SLF2: variants seen among roughly 807,000 people sequenced by gnomAD.
SLF2 encodes SMC5-SMC6 complex localization factor protein 2.
A neutral mutation model predicts 124.3 loss-of-function variants in SLF2; 68 were observed. The ratio of observed to expected loss-of-function variants is 0.55; its 90% CI spans 0.45 to 0.67. The LOEUF (loss-of-function observed/expected upper bound fraction) is 0.67, where lower values mean the gene tolerates loss of function less well. Among genes scored for constraint, SLF2 ranks in the 30% least tolerant of loss-of-function variants. The pLI, the probability that SLF2 is intolerant of heterozygous loss-of-function variation, is 0.00. For synonymous variants in SLF2, 480 were observed against 478.8 expected, an observed-to-expected ratio of 1.00 and a Z score of -0.03; for missense variants, 1,246 against 1,373.7, an observed-to-expected ratio of 0.91 and a Z score of 1.47.
chr10:100,958,388 T>C (rs1199860264), intron 18 of SLF2, among the ~76,000 whole-genome samples: 1 of 152,218 alleles, frequency 6.6e-6, no homozygotes, highest in Non-Finnish European at 1.5e-5. Context: ...TCCCCAAGAG[T>C]AGAACTCTAG....
chr10:100,925,885 T>G, intron 5 of SLF2, 64 bp from the exon 6 acceptor site: 1 of 1,466,350 alleles, frequency 6.8e-7, no homozygotes, highest in Non-Finnish European at 9.2e-7. Flanking sequence ...CCTTAATTAC[T>G]TAAAACATCC....
chr10:100,913,296 G>A lies in SLF2; in HGVS notation c.140+46G>A, dbSNP rs377040112. 4 of 1,482,812 alleles carry A rather than the reference G, an allele frequency of 2.7e-6. No individual in the cohort carries two copies. The African/African-American group carries it at 4.3e-5, about 16-fold the overall frequency. The allele number at this position is 1,482,812 out of a possible 1,614,324, so 91.9% of individuals were successfully genotyped here. A position where few individuals can be genotyped will look rare whatever the true frequency, so the allele number is the denominator to read the frequency against. ...GAAGGGGCCGGGTCGCGGGGGCAAG[G>A]GTATGAGGGGAGGGCTGCAGACCGC... On this transcript the variant is annotated intron_variant, in intron 1 of 19. Transcript: ENST00000238961.
chr10:100,957,330 A>ATTT lies in SLF2; in HGVS notation c.3417+828_3417+830dup, dbSNP rs71013477. Reference sequence around the variant, plus strand: ...AATATGTTAAAGGAAGGAGTCTTCAATTTTTTTTTTTTTTTTTTTTTTTTT... The same window carrying ATTT: ...AATATGTTAAAGGAAGGAGTCTTCAATTTTTTTTTTTTTTTTTTTTTTTTTTTT... On this transcript the variant is annotated intron_variant, in intron 18 of 19. Coordinates refer to ENST00000238961, the MANE Select transcript of SLF2 (RefSeq NM_018121.4). Among the ~76,000 whole-genome samples the ATTT allele has an allele frequency of 2.3e-3, 208 of 91,788 alleles. 12 individuals carry two copies. The highest frequency in any genetic ancestry group is 5.1e-3 in the South Asian group (16 of 3,156). The allele number at this position is 91,788 out of a possible 152,430, so 60.2% of individuals were successfully genotyped here. A position where few individuals can be genotyped will look rare whatever the true frequency, so the allele number is the denominator to read the frequency against.
chr10:100,932,698 T>A (rs1461393415), intron 9 of SLF2, among the ~76,000 whole-genome samples: 1 of 83,024 alleles, frequency 1.2e-5, no homozygotes, highest in East Asian at 3.2e-4. Flanking sequence ...AATAAGTGTG[T>A]GTGTGTGTGT....
rs1200285999 is a variant in SLF2 at position 100,924,489 on chromosome 10, T to C, written c.1488T>C (p.Leu496=). The C allele has an allele frequency of 1.2e-6, 2 of 1,614,138 alleles. No individual in the cohort carries two copies. The highest frequency in any genetic ancestry group is 1.7e-6 in the Non-Finnish European group (2 of 1,180,032). ...LVPLNAKNCA[L]PVSKKDKERS... is the part of the protein sequence containing the mutation. ...CATTAAATGCTAAAAATTGTGCTCTTCCAGTTTCTAAAAAAGATAAAGAGC... is the reference window on the plus strand; with the variant it reads ...CATTAAATGCTAAAAATTGTGCTCTCCCAGTTTCTAAAAAAGATAAAGAGC... The change falls in exon 5 of 20, where the codon CTT becomes CTC. Residue 496 remains leucine (L), a synonymous_variant. Transcript: ENST00000238961.
chr10:100,915,909 C>G, intron 1 of SLF2, 90 bp from the exon 2 acceptor site: 1 of 1,046,956 alleles, frequency 9.6e-7, no homozygotes. Context: ...GAAATCCAGC[C>G]TTTATTTTAT....
chr10:100,945,351 A>G lies in SLF2; in HGVS notation c.2779A>G (p.Ile927Val), dbSNP rs754664013. The G allele has an allele frequency of 2.7e-5, 43 of 1,594,364 alleles. No homozygotes were observed. Among genetic ancestry groups the G allele is most frequent in the Admixed American group, 7.4e-5 (4 of 53,868 alleles). Residue 927 changes from isoleucine (I) to valine (V), a missense_variant, in exon 13 of 20, where the codon ATA (isoleucine) becomes GTA (valine). By Grantham distance (29) the Ile-to-Val change is conservative. This residue lies in a region of SLF2 where 535 missense variants were observed against 632.8 expected (regional missense o/e 0.85). Transcript: ENST00000238961. Reference sequence around the variant, plus strand: ...ACAGTTTCTAGGCTTGTGTACATCTATACATCCAGAAGGTTACCAGGATCG... The same window carrying G: ...ACAGTTTCTAGGCTTGTGTACATCTGTACATCCAGAAGGTTACCAGGATCG... ...VVKFLGLCTS[I>V]HPEGYQDREI...
At chr10:100,925,890 A>G in intron 5 of SLF2, 59 bp from the exon 6 acceptor site, 1 of 1,478,786 alleles carries the variant, frequency 6.8e-7, no homozygotes, top group South Asian at 1.4e-5. Flanking sequence ...ATTACTTAAA[A>G]CATCCCAGTT....
At chr10:100,957,741 T>C (rs1850360336) in intron 18 of SLF2, among the ~76,000 whole-genome samples, 2 of 152,048 alleles carry the variant, frequency 1.3e-5, no homozygotes, top group African/African-American at 2.4e-5. Context: ...CTTGCTAAGC[T>C]TTTTTTCTTA....
chr10:100,962,841 A>ATGTGTGTGTGTGTGTG lies in SLF2; in HGVS notation c.*942_*957dup, dbSNP rs34345512. 6.9e-6 allele frequency: 1 copy of ATGTGTGTGTGTGTGTG among 144,116 alleles called. No individual in the cohort carries two copies. The highest frequency in any genetic ancestry group is 1.5e-5 in the Non-Finnish European group (1 of 65,182). The allele number at this position is 144,116 out of a possible 1,614,324, so 8.9% of individuals were successfully genotyped here. A position where few individuals can be genotyped will look rare whatever the true frequency, so the allele number is the denominator to read the frequency against. ...ATTCTTTGGGACACTGTGTCTGTGT[A>ATGTGTGTGTGTGTGTG]TGTGTGTGTGTGTGTGTGTGTGTGT... On this transcript the variant is annotated 3_prime_UTR_variant, in exon 20 of 20. Coordinates refer to ENST00000238961, the MANE Select transcript of SLF2 (RefSeq NM_018121.4).
intron 12 of SLF2, 106 bp downstream of exon 12, chr10:100,944,234 G>A (rs186081634): frequency 5.2e-5 from 33 of 638,746 alleles, no homozygotes; most frequent in Middle Eastern, 4.5e-4. Flanking sequence ...GGTGGCTCAC[G>A]CCTGTAATCC....
At chr10:100,913,901 T>C (rs1849369244) in intron 1 of SLF2, 14 of 982,142 alleles carry the variant, frequency 1.4e-5, no homozygotes, top group Non-Finnish European at 1.6e-5. Context: ...CTTGGTACTG[T>C]CTTTTATTTT....
At chr10:100,936,031 A>T (rs1312169954) in intron 9 of SLF2, among the ~76,000 whole-genome samples, 1 of 150,670 alleles carries the variant, frequency 6.6e-6, no homozygotes, top group African/African-American at 2.4e-5. Flanking sequence ...GCTAATTTTT[A>T]AAAATTTTTT....
rs1850122638 is a variant in SLF2, at chr10:100,947,284, G to T, written c.3032+148G>T. Reference sequence around the variant, plus strand: ...TCAGTTGCGAGAAAAGGCATTGATAGCCTGATTCTGCCTTATTCTAATTCT... The same window carrying T: ...TCAGTTGCGAGAAAAGGCATTGATATCCTGATTCTGCCTTATTCTAATTCT... On this transcript the variant is annotated intron_variant, in intron 14 of 19. Coordinates refer to ENST00000238961, the MANE Select transcript of SLF2 (RefSeq NM_018121.4). 11 of 484,168 alleles carry T rather than the reference G, an allele frequency of 2.3e-5. No individual in the cohort carries two copies. In the South Asian group the frequency reaches 3.6e-4, roughly 16 times the overall value. The allele number at this position is 484,168 out of a possible 1,614,324, so 30.0% of individuals were successfully genotyped here. A position where few individuals can be genotyped will look rare whatever the true frequency, so the allele number is the denominator to read the frequency against.
rs745592567 is a variant in SLF2, at chr10:100,916,694, G to A, written c.309G>A (p.Arg103=). Residue 103 remains arginine, a synonymous_variant, in exon 3 of 20, where the codon AGG becomes AGA. Coordinates refer to ENST00000238961, the MANE Select transcript of SLF2 (RefSeq NM_018121.4). ...CACCAAAAGAATCTAAACCCAAAAG[G>A]GTGCCACCAGAAAAGAGCCCTATTA... ...LSSPKESKPK[R]VPPEKSPIIE... 2.6e-6 allele frequency: 4 copies of A among 1,546,474 alleles called. No homozygotes were observed. Among genetic ancestry groups the A allele is most frequent in the Non-Finnish European group, 3.5e-6 (4 of 1,154,272 alleles).
chr10:100,924,536 C>T lies in SLF2; in HGVS notation c.1535C>T (p.Ser512Phe). The change falls in exon 5 of 20, where the codon TCT (serine) becomes TTT (phenylalanine). Residue 512 changes from serine to phenylalanine, a missense_variant. By Grantham distance (155) the Ser-to-Phe change is radical. Coordinates refer to ENST00000238961, the MANE Select transcript of SLF2 (RefSeq NM_018121.4). ...DKERSSSKEC[S>F]GHSTESTKHK... Reference sequence around the variant, plus strand: ...GAGCGTTCCTCATCTAAAGAATGTTCTGGGCATTCTACAGAATCCACCAAA... The same window carrying T: ...GAGCGTTCCTCATCTAAAGAATGTTTTGGGCATTCTACAGAATCCACCAAA... 6.2e-7 allele frequency: 1 copy of T among 1,614,104 alleles called. No homozygotes were observed. The highest frequency in any genetic ancestry group is 8.5e-7 in the Non-Finnish European group (1 of 1,180,028).
intron 9 of SLF2, among the ~76,000 whole-genome samples, chr10:100,934,565 G>A (rs917906229): frequency 4.4e-4 from 67 of 152,016 alleles, no homozygotes; most frequent in African/African-American, 1.4e-3. Context: ...TGAAAGTAGA[G>A]TTCAGGTTAC....
intron 9 of SLF2, among the ~76,000 whole-genome samples, chr10:100,934,120 C>T (rs996916490): frequency 6.6e-6 from 1 of 152,158 alleles, no homozygotes; most frequent in Non-Finnish European, 1.5e-5. Context: ...CTAGAGTATT[C>T]TCTGCATTCA....
In SLF2 at chr10:100,944,042, A is replaced by T. The variant is rs754154787; in HGVS notation, c.2671A>T (p.Thr891Ser). 4 of 1,610,744 alleles carry T rather than the reference A, an allele frequency of 2.5e-6. No homozygotes were observed. The Admixed American group carries it at 6.8e-5, about 27-fold the overall frequency. ...EDYLVSETQT[T>S]SRGKESEDSS... ...TCTCAATAGTTCTGAAACACAGACA[A>T]CATCAAGGGGGAAAGAAAGTGAAGA... Residue 891 changes from threonine to serine, a missense_variant, in exon 12 of 20, where the codon ACA becomes TCA. Thr to Ser is a moderately conservative substitution (Grantham distance 58, BLOSUM62 1). Transcript: ENST00000238961.
Sources: allele counts gnomAD v4.1 joint callset (sites outside exome capture counted in the v4.1 genomes callset), GRCh38; gene constraint gnomAD v4.1.1; regional missense constraint gnomAD v4.1.1; transcripts MANE v1.5; gene names NCBI Gene and HGNC (gene_info 2026-07-23, HGNC 2026-07-21).